The following FILIP1L variants were observed in gnomAD, a reference collection of about 807,000 sequenced individuals.
FILIP1L encodes filamin A interacting protein 1 like.
FILIP1L carries 55 observed loss-of-function variants against 96.6 expected under a neutral mutation model. The observed-to-expected ratio is 0.57, with a 90% CI of 0.46 to 0.71. FILIP1L has a LOEUF of 0.71. FILIP1L is among the 30% of genes least tolerant of loss of function. FILIP1L has a pLI of 0.00. For missense variants in FILIP1L, 1,304 were observed against 1,321.2 expected, an observed-to-expected ratio of 0.99 and a Z score of 0.20; for synonymous variants, 467 against 473.9, an observed-to-expected ratio of 0.99 and a Z score of 0.19.
At chr3:99,884,102 C>G (rs1241710816) in intron 4 of FILIP1L, among the ~76,000 whole-genome samples, 1 of 152,080 alleles carries the variant, frequency 6.6e-6, no homozygotes, top group Non-Finnish European at 1.5e-5. Context: ...GTTAGCAGCC[C>G]TTATAGTTCA....
intron 1 of FILIP1L, among the ~76,000 whole-genome samples, chr3:100,074,518 A>G (rs954298686): frequency 1.2e-4 from 18 of 151,952 alleles, no homozygotes; most frequent in Admixed American, 9.8e-4. Flanking sequence ...TTGCAAATTT[A>G]TTCTATAGCC....
At chr3:99,985,120 A>G (rs1225761558) in intron 1 of FILIP1L, among the ~76,000 whole-genome samples, 1 of 152,214 alleles carries the variant, frequency 6.6e-6, no homozygotes, top group Non-Finnish European at 1.5e-5. Context: ...TACTAGAAAT[A>G]AAGTTCAAAA....
chr3:100,051,502 CCCCCT>C (rs1025319448), intron 1 of FILIP1L, among the ~76,000 whole-genome samples: 4 of 117,830 alleles, frequency 3.4e-5, no homozygotes, highest in Non-Finnish European at 5.1e-5. Flanking sequence ...GCTAACCCTC[CCCCCT>C]CCCCCCACCC....
At chr3:99,838,016 T>C (rs1942970159) in intron 5 of FILIP1L, among the ~76,000 whole-genome samples, 1 of 152,224 alleles carries the variant, frequency 6.6e-6, no homozygotes, top group South Asian at 2.1e-4. Context: ...TTCTGATGCT[T>C]TTCTATCCCA....
chr3:99,983,833 A>C (rs1709247318), intron 1 of FILIP1L, among the ~76,000 whole-genome samples: 1 of 152,042 alleles, frequency 6.6e-6, no homozygotes. Flanking sequence ...AGGAGAATGG[A>C]CCATCTGATG....
chr3:99,958,777 G>A (rs943272144), intron 1 of FILIP1L, among the ~76,000 whole-genome samples: 1 of 152,120 alleles, frequency 6.6e-6, no homozygotes, highest in Non-Finnish European at 1.5e-5. Context: ...TGGAGAGGCT[G>A]GTGATGTAGT....
At position 100,098,341 on chromosome 3, in the gene FILIP1L, A is replaced by G. The variant is rs1294984688; in HGVS notation, c.-11+15712T>C. Among the ~76,000 whole-genome samples, 5 of 152,186 alleles carry G rather than the reference A, an allele frequency of 3.3e-5. No individual in the cohort carries two copies. In the East Asian group the frequency reaches 7.7e-4, roughly 23 times the overall value. On this transcript the variant is annotated intron_variant, in intron 1 of 5. Transcript: ENST00000477258. ...CCTATATTTGAATGCCATTTCCACC[A>G]TTTAAACTGCTCTTTGACCTTAGGC...
intron 1 of FILIP1L, among the ~76,000 whole-genome samples, chr3:99,986,761 G>T (rs1709353839): frequency 6.6e-6 from 1 of 152,116 alleles, no homozygotes; most frequent in Non-Finnish European, 1.5e-5. Context: ...CCCAGGGGAT[G>T]GTAGGAAGTA....
At chr3:99,934,920 T>C (rs1707612171) in intron 1 of FILIP1L, among the ~76,000 whole-genome samples, 1 of 152,232 alleles carries the variant, frequency 6.6e-6, no homozygotes, top group Admixed American at 6.5e-5. Flanking sequence ...AGCATCAACA[T>C]TCTCACTGAT....
chr3:99,924,092 A>T, intron 4 of FILIP1L, 138 bp downstream of exon 4: 1 of 748,110 alleles, frequency 1.3e-6, no homozygotes, highest in Non-Finnish European at 2.3e-6. Flanking sequence ...CTTCAAACAT[A>T]TCCTTTTCCT....
At chr3:100,030,056 A>G (rs2064997398) in intron 1 of FILIP1L, among the ~76,000 whole-genome samples, 1 of 152,190 alleles carries the variant, frequency 6.6e-6, no homozygotes, top group Admixed American at 6.6e-5. Context: ...GAAGAAAATC[A>G]GAACTGGAAA....
chr3:99,935,739 C>T (rs1707644819), intron 1 of FILIP1L, among the ~76,000 whole-genome samples: 1 of 152,218 alleles, frequency 6.6e-6, no homozygotes. Context: ...TCTATGGATA[C>T]AAATACAGTG....
chr3:99,903,647 A>T (rs1706516394), intron 4 of FILIP1L, among the ~76,000 whole-genome samples: 1 of 152,162 alleles, frequency 6.6e-6, no homozygotes, highest in Non-Finnish European at 1.5e-5. Flanking sequence ...TGATTCCAAA[A>T]ATTGGCTGTT....
At chr3:99,854,698 C>T (rs1943871400) in intron 4 of FILIP1L, among the ~76,000 whole-genome samples, 1 of 152,076 alleles carries the variant, frequency 6.6e-6, no homozygotes, top group Non-Finnish European at 1.5e-5. Context: ...GGGCAGTCAC[C>T]TCCAGTTGAG....
intron 1 of FILIP1L, among the ~76,000 whole-genome samples, chr3:100,081,231 G>T (rs141554636): frequency 0.012 from 1,830 of 152,208 alleles, 24 homozygotes; most frequent in African/African-American, 0.027. Context: ...ATCTTCACAT[G>T]TTCAAGAGAT....
In FILIP1L at chr3:99,857,147, T is replaced by G. The variant is rs75149786; in HGVS notation, c.606-6077A>C. ...AAATACTCCCTTTTGTGAAAAATAC[T>G]GTAGCACTGTCCTAAGTAGTTTTAT... On this transcript the variant is annotated intron_variant, in intron 4 of 5. Transcript: ENST00000477258. Among the ~76,000 whole-genome samples the G allele has an allele frequency of 3.2e-4, 48 of 152,314 alleles. 1 individual carries two copies. In the East Asian group the frequency reaches 8.7e-3, roughly 28 times the overall value.
intron 1 of FILIP1L, among the ~76,000 whole-genome samples, chr3:100,091,135 C>T (rs886805664): frequency 6.6e-6 from 1 of 151,548 alleles, no homozygotes; most frequent in Non-Finnish European, 1.5e-5. Flanking sequence ...AATACAAAAA[C>T]TTAGCTGGGC....
rs778796509 is a variant in FILIP1L, at chr3:99,848,759, T to C, written c.2917A>G (p.Met973Val). ...TEDLMNLEQG[M>V]SPITMATFAR... ...AAGGTTGCCATGGTAATTGGGGACATGCCTTGTTCTAAATTCATGAGGTCT... is the reference window on the plus strand; with the variant it reads ...AAGGTTGCCATGGTAATTGGGGACACGCCTTGTTCTAAATTCATGAGGTCT... Residue 973 changes from methionine (M) to valine (V), a missense_variant, in exon 5 of 6, where the codon ATG (methionine) becomes GTG (valine). Met to Val is a conservative substitution (Grantham distance 21). Transcript: ENST00000477258. The C allele has an allele frequency of 4.5e-5, 72 of 1,614,108 alleles. No homozygotes were observed. Among genetic ancestry groups the C allele is most frequent in the Non-Finnish European group, 6.0e-5 (71 of 1,180,038 alleles).
chr3:100,104,825 G>A (rs780646027), intron 1 of FILIP1L, among the ~76,000 whole-genome samples: 1 of 152,116 alleles, frequency 6.6e-6, no homozygotes, highest in Non-Finnish European at 1.5e-5. Context: ...CCCAAAACTG[G>A]CTGAGAATCA....
Sources: gnomAD v4.1 joint callset for allele counts (sites outside exome capture counted in the v4.1 genomes callset) on GRCh38, gnomAD v4.1.1 for gene constraint, MANE v1.5 for transcripts, NCBI Gene and HGNC (gene_info 2026-07-23, HGNC 2026-07-21) for gene names.